Variants in SH3PXD2A observed in about 807,000 individuals in gnomAD.
SH3PXD2A encodes SH3 and PX domain-containing protein 2A.
Under a neutral mutation model 115.2 loss-of-function variants are expected in SH3PXD2A, and 32 were observed. The observed-to-expected ratio is 0.28, with a 90% CI of 0.21 to 0.37. SH3PXD2A has a LOEUF of 0.37. SH3PXD2A is among the 10% of genes least tolerant of loss of function. The pLI is 1.00. For missense variants in SH3PXD2A, 1,328 were observed against 1,498.7 expected, an observed-to-expected ratio of 0.89 and a Z score of 1.88; for synonymous variants, 610 against 629.1, an observed-to-expected ratio of 0.97 and a Z score of 0.45.
At chr10:103,797,276 C>G (rs2039100865) in intron 2 of SH3PXD2A, among the ~76,000 whole-genome samples, 1 of 152,106 alleles carries the variant, frequency 6.6e-6, no homozygotes, top group African/African-American at 2.4e-5. Flanking sequence ...AGCAGGTAAG[C>G]TGTGAGAGAA....
intron 7 of SH3PXD2A, chr10:103,661,721 G>A (rs2037307367): frequency 1.0e-6 from 1 of 985,264 alleles, no homozygotes; most frequent in African/African-American, 1.7e-5. Flanking sequence ...CCAGGCCCAG[G>A]CGAGGAGTCA....
In SH3PXD2A at chr10:103,662,651, G is replaced by A. The variant is rs932441843; in HGVS notation, c.473-1537C>T. On this transcript the variant is annotated intron_variant, in intron 7 of 14. Coordinates refer to ENST00000369774, the MANE Select transcript of SH3PXD2A (RefSeq NM_001394015.1). ...CCTGACCTCATGATCCACCCGCCTC[G>A]GCCTCCCAAAGTGCTGGGATTACAG... 6.6e-5 allele frequency among the ~76,000 whole-genome samples: 10 copies of A among 150,718 alleles called. No homozygotes were observed. The East Asian group carries it at 1.6e-3, about 24-fold the overall frequency.
At chr10:103,767,525 C>T (rs558637570) in intron 2 of SH3PXD2A, among the ~76,000 whole-genome samples, 3 of 152,282 alleles carry the variant, frequency 2.0e-5, no homozygotes, top group East Asian at 3.9e-4. Flanking sequence ...TTTCCTACTT[C>T]GTCTGTGGGG....
At chr10:103,609,164 A>C (rs2036386168) in intron 13 of SH3PXD2A, 1 of 152,102 alleles carries the variant, frequency 6.6e-6, no homozygotes, top group Admixed American at 6.5e-5. Context: ...TCTGAAAAAA[A>C]AAAAAAAAAA....
At chr10:103,814,318 C>A (rs1248456060) in intron 1 of SH3PXD2A, among the ~76,000 whole-genome samples, 1 of 152,098 alleles carries the variant, frequency 6.6e-6, no homozygotes, top group Non-Finnish European at 1.5e-5. Context: ...CTTCTCGGCT[C>A]CAGGAGGAAC....
At chr10:103,838,010 C>A (rs1416299308) in intron 1 of SH3PXD2A, among the ~76,000 whole-genome samples, 2 of 152,196 alleles carry the variant, frequency 1.3e-5, no homozygotes, top group Non-Finnish European at 2.9e-5. Flanking sequence ...TCTGATTCTG[C>A]AGCCAACCAA....
At chr10:103,800,514 C>T in intron 2 of SH3PXD2A, among the ~76,000 whole-genome samples, 1 of 152,202 alleles carries the variant, frequency 6.6e-6, no homozygotes, top group East Asian at 1.9e-4. Context: ...AGAGCAGATC[C>T]TGGTTTCAGG....
At chr10:103,693,837 G>A (rs2037791835) in intron 5 of SH3PXD2A, among the ~76,000 whole-genome samples, 2 of 152,204 alleles carry the variant, frequency 1.3e-5, no homozygotes, top group Admixed American at 6.5e-5. Context: ...CGGTAGGAAC[G>A]GAAGTGGAGC....
At chr10:103,647,200 C>G (rs2037048928) in intron 8 of SH3PXD2A, among the ~76,000 whole-genome samples, 2 of 152,192 alleles carry the variant, frequency 1.3e-5, no homozygotes, top group South Asian at 4.1e-4. Context: ...ACTGCAATAT[C>G]ATGGCATCAG....
chr10:103,803,519 C>T (rs1018268812), intron 1 of SH3PXD2A, among the ~76,000 whole-genome samples: 1 of 152,110 alleles, frequency 6.6e-6, no homozygotes, highest in African/African-American at 2.4e-5. Context: ...CACTGTTATT[C>T]CCATATTGTA....
intron 1 of SH3PXD2A, among the ~76,000 whole-genome samples, chr10:103,837,053 C>T (rs2134312242): frequency 6.6e-6 from 1 of 152,240 alleles, no homozygotes; most frequent in Middle Eastern, 3.4e-3. Context: ...TACATAAGGC[C>T]GGGTTCCCTT....
chr10:103,651,220 C>A (rs1007654468), intron 8 of SH3PXD2A, among the ~76,000 whole-genome samples: 4 of 152,176 alleles, frequency 2.6e-5, no homozygotes, highest in Non-Finnish European at 4.4e-5. Flanking sequence ...AGCTACACAC[C>A]TCACACCCTT....
intron 5 of SH3PXD2A, among the ~76,000 whole-genome samples, chr10:103,701,217 C>T (rs2037896405): frequency 6.7e-6 from 1 of 149,500 alleles, no homozygotes; most frequent in Non-Finnish European, 1.5e-5. Flanking sequence ...TACCATCTAT[C>T]CATCTACCAT....
At chr10:103,672,105 C>T (rs1158625409) in intron 6 of SH3PXD2A, among the ~76,000 whole-genome samples, 3 of 151,972 alleles carry the variant, frequency 2.0e-5, no homozygotes, top group African/African-American at 7.3e-5. Flanking sequence ...GCCAACATGG[C>T]GAAACTCCGT....
intron 6 of SH3PXD2A, among the ~76,000 whole-genome samples, chr10:103,671,064 T>A (rs937996177): frequency 1.3e-5 from 2 of 152,250 alleles, no homozygotes; most frequent in Non-Finnish European, 2.9e-5. Flanking sequence ...GACCACTTTG[T>A]CTACTTTGGG....
intron 3 of SH3PXD2A, among the ~76,000 whole-genome samples, chr10:103,751,112 AC>A (rs1465246120): frequency 5.3e-5 from 8 of 152,146 alleles, no homozygotes; most frequent in Non-Finnish European, 1.2e-4. Context: ...TGTACCTTTA[AC>A]CCTTGTCAAA....
intron 8 of SH3PXD2A, among the ~76,000 whole-genome samples, chr10:103,639,622 A>G (rs1023038793): frequency 3.3e-5 from 3 of 90,562 alleles, no homozygotes; most frequent in East Asian, 2.6e-4. Flanking sequence ...AAAAAAAAAA[A>G]AAAAGAAAAA....
chr10:103,852,956 G>C (rs886654055), intron 1 of SH3PXD2A, among the ~76,000 whole-genome samples: 1 of 152,154 alleles, frequency 6.6e-6, no homozygotes, highest in Non-Finnish European at 1.5e-5. Flanking sequence ...TTCCTCATCT[G>C]TAAAATGAAG....
intron 5 of SH3PXD2A, among the ~76,000 whole-genome samples, chr10:103,718,767 A>C (rs2038139682): frequency 1.4e-5 from 2 of 142,554 alleles, no homozygotes; most frequent in African/African-American, 5.8e-5. Context: ...CAGGACACAC[A>C]CACACACACA....
Sources: gnomAD v4.1 joint callset for allele counts (sites outside exome capture counted in the v4.1 genomes callset) on GRCh38, gnomAD v4.1.1 for gene constraint, MANE v1.5 for transcripts, NCBI Gene and HGNC (gene_info 2026-07-23, HGNC 2026-07-21) for gene names.